The following ZNF385D variants were observed in gnomAD, a reference collection of about 807,000 sequenced individuals.
The protein encoded by ZNF385D is zinc finger protein 385D.
In ZNF385D, 15 loss-of-function variants were observed where a neutral mutation model predicts 35.8. The observed-to-expected ratio is 0.42, with a 90% confidence interval of 0.28 to 0.64. ZNF385D has a LOEUF of 0.64. Among genes scored for constraint, ZNF385D ranks in the 30% least tolerant of loss-of-function variants. ZNF385D has a pLI of 0.23. For missense variants in ZNF385D, 474 were observed against 494.6 expected (o/e 0.96, Z 0.39); for synonymous variants, 212 against 186.8 (o/e 1.13, Z -1.10).
At chr3:21,688,021 T>C (rs1056203387) in intron 1 of ZNF385D, among the ~76,000 whole-genome samples, 3 of 152,002 alleles carry the variant, frequency 2.0e-5, no homozygotes, top group African/African-American at 7.2e-5. Flanking sequence ...TAGCCTCCCA[T>C]AGTGTTGGGA....
At chr3:22,126,380 G>A (rs563753951) in intron 3 of ZNF385D, among the ~76,000 whole-genome samples, 9 of 140,614 alleles carry the variant, frequency 6.4e-5, no homozygotes, top group African/African-American at 2.4e-4. Context: ...TCTTACTAAG[G>A]TTTGGGTATG....
At chr3:21,513,495 A>C (rs1219567630) in intron 3 of ZNF385D, among the ~76,000 whole-genome samples, 2 of 152,226 alleles carry the variant, frequency 1.3e-5, no homozygotes, top group African/African-American at 4.8e-5. Context: ...ATTATAAATT[A>C]TCTGATTTAA....
chr3:21,660,132 T>C (rs2066193429), intron 2 of ZNF385D, among the ~76,000 whole-genome samples: 1 of 151,946 alleles, frequency 6.6e-6, no homozygotes, highest in South Asian at 2.1e-4. Flanking sequence ...TTTATCCCCC[T>C]CTCTTCCCCA....
At chr3:22,313,430 C>T (rs1047558235) in intron 2 of ZNF385D, among the ~76,000 whole-genome samples, 1 of 151,880 alleles carries the variant, frequency 6.6e-6, no homozygotes, top group Non-Finnish European at 1.5e-5. Context: ...GTAGATATAA[C>T]ATTTTTAAAA....
intron 2 of ZNF385D, among the ~76,000 whole-genome samples, chr3:22,263,432 A>G (rs1461648794): frequency 6.6e-6 from 1 of 151,922 alleles, no homozygotes; most frequent in East Asian, 1.9e-4. Flanking sequence ...TTATTTCCTT[A>G]GAGAGACTTT....
intron 3 of ZNF385D, among the ~76,000 whole-genome samples, chr3:22,136,929 T>G (rs11916267): frequency 1.6e-4 from 25 of 152,146 alleles, no homozygotes; most frequent in African/African-American, 6.0e-4. Flanking sequence ...AGAGAAGGAA[T>G]AGAGGGATGA....
At chr3:22,141,184 A>C (rs1328223349) in intron 3 of ZNF385D, among the ~76,000 whole-genome samples, 1 of 152,200 alleles carries the variant, frequency 6.6e-6, no homozygotes, top group Admixed American at 6.5e-5. Flanking sequence ...AATAATAACA[A>C]ATCATTCTCT....
At chr3:22,069,173 C>T (rs1223079815) in intron 3 of ZNF385D, among the ~76,000 whole-genome samples, 2 of 152,184 alleles carry the variant, frequency 1.3e-5, no homozygotes, top group South Asian at 2.1e-4. Context: ...CCTTATATCT[C>T]ATTGGTTAGT....
At chr3:21,448,156 A>G (rs1413237277) in intron 4 of ZNF385D, among the ~76,000 whole-genome samples, 2 of 152,136 alleles carry the variant, frequency 1.3e-5, no homozygotes, top group Admixed American at 1.3e-4. Context: ...AGATTAAAGG[A>G]TTTTTCATAT....
intron 3 of ZNF385D, among the ~76,000 whole-genome samples, chr3:21,529,965 T>C (rs1160264715): frequency 6.6e-6 from 1 of 152,154 alleles, no homozygotes; most frequent in Non-Finnish European, 1.5e-5. Context: ...TGGCACTTAG[T>C]GGGAGGTGTT....
intron 3 of ZNF385D, among the ~76,000 whole-genome samples, chr3:21,904,044 C>T (rs1699547387): frequency 1.3e-5 from 2 of 152,034 alleles, no homozygotes; most frequent in African/African-American, 4.8e-5. Context: ...GTGGCTCACG[C>T]CTGTAATCCC....
chr3:21,977,579 G>A (rs577615361), intron 3 of ZNF385D, among the ~76,000 whole-genome samples: 27 of 152,212 alleles, frequency 1.8e-4, no homozygotes, highest in Admixed American at 8.5e-4. Context: ...AGCTATTTTG[G>A]AGGCCATAGT....
chr3:22,087,983 C>T (rs547065322), intron 3 of ZNF385D, among the ~76,000 whole-genome samples: 5 of 152,114 alleles, frequency 3.3e-5, no homozygotes, highest in Non-Finnish European at 5.9e-5. Flanking sequence ...AGGGTTGTTA[C>T]AGAAATGTAC....
chr3:21,921,714 T>A (rs192305959), intron 3 of ZNF385D, among the ~76,000 whole-genome samples: 2 of 152,012 alleles, frequency 1.3e-5, no homozygotes, highest in African/African-American at 2.4e-5. Flanking sequence ...TGTGAATACC[T>A]CTACGCTCAC....
rs575115250 is a variant in ZNF385D at position 21,565,676 on chromosome 3, TTTA to T, written c.166-995_166-993del. ...GGGCGCATTAAATAGATGCTGGCTA[TTTA>T]TTATTATATGTTCTGTGTTGTAGCA... On this transcript the variant is annotated intron_variant, in intron 2 of 7. Coordinates refer to ENST00000281523, the MANE Select transcript of ZNF385D (RefSeq NM_024697.3). Among the ~76,000 whole-genome samples, 6 of 152,354 alleles carry T rather than the reference TTTA, an allele frequency of 3.9e-5. No individual in the cohort carries two copies. In the South Asian group the frequency reaches 6.2e-4, roughly 16 times the overall value.
chr3:22,098,753 C>T (rs1272571902), intron 3 of ZNF385D, among the ~76,000 whole-genome samples: 2 of 151,280 alleles, frequency 1.3e-5, no homozygotes, highest in African/African-American at 2.4e-5. Context: ...AGAAATACAC[C>T]CCAAATAAAG....
At chr3:22,005,257 T>G (rs989220707) in intron 3 of ZNF385D, among the ~76,000 whole-genome samples, 5 of 151,774 alleles carry the variant, frequency 3.3e-5, no homozygotes. Context: ...CTAGTTAGAA[T>G]GGCTATTATT....
intron 2 of ZNF385D, among the ~76,000 whole-genome samples, chr3:22,188,510 C>T (rs997051310): frequency 2.0e-5 from 3 of 151,652 alleles, no homozygotes; most frequent in Admixed American, 6.6e-5. Context: ...AGTCCAGTGG[C>T]GCGATCTCTG....
In ZNF385D at chr3:21,421,424, T is replaced by C; in HGVS notation, c.978A>G (p.Glu326=). ...PLGVKLVFSK[E]PSKPLAPRIL... is the part of the protein sequence containing the mutation. ...TTCGTGGAGCCAATGGCTTTGAAGG[T>C]TCTTTTGAAAATACTAATTTTACCT... Residue 326 remains glutamate (E), a synonymous_variant, in exon 8 of 8, where the codon GAA becomes GAG. Transcript: ENST00000281523. 6.2e-7 allele frequency: 1 copy of C among 1,613,048 alleles called. No individual in the cohort carries two copies.
Sources: gnomAD v4.1 joint callset for allele counts (sites outside exome capture counted in the v4.1 genomes callset) on GRCh38, gnomAD v4.1.1 for gene constraint, MANE v1.5 for transcripts, NCBI Gene and HGNC (gene_info 2026-07-23, HGNC 2026-07-21) for gene names.